Variants in CNTN3 observed in about 807,000 individuals in gnomAD.
The protein encoded by CNTN3 is contactin 3.
CNTN3 carries 60 observed loss-of-function variants against 119.1 expected under a neutral mutation model. The ratio of observed to expected loss-of-function variants is 0.50; its 90% confidence interval spans 0.41 to 0.62. The LOEUF is 0.62. CNTN3 is among the 20% of genes least tolerant of loss of function. CNTN3 has a pLI of 0.00. For synonymous variants in CNTN3, 450 were observed against 438.7 expected (o/e 1.03, Z -0.32); for missense variants, 1,101 against 1,242.4 (o/e 0.89, Z 1.71).
At chr3:74,602,490 C>T (rs1030760685) in intron 1 of CNTN3, among the ~76,000 whole-genome samples, 6 of 151,614 alleles carry the variant, frequency 4.0e-5, no homozygotes, top group Admixed American at 2.6e-4. Context: ...TATTTTTGTT[C>T]GCAAATATTC....
Position 74,342,171 on chromosome 3 carries a change from A to T in CNTN3, c.1365-5513T>A, listed in dbSNP as rs1047020624. On this transcript the variant is annotated intron_variant, in intron 11 of 22. Coordinates refer to ENST00000263665, the MANE Select transcript of CNTN3 (RefSeq NM_020872.3). Reference sequence around the variant, plus strand: ...ATACATTGATGAAAATGTATGAGAAAATAAACATGAGAGAAAAAGACCATA... The same window carrying T: ...ATACATTGATGAAAATGTATGAGAATATAAACATGAGAGAAAAAGACCATA... Among the ~76,000 whole-genome samples, 5 of 152,150 alleles carry T rather than the reference A, an allele frequency of 3.3e-5. No individual in the cohort carries two copies. The South Asian group carries it at 6.2e-4, about 19-fold the overall frequency.
At chr3:74,449,915 T>C (rs555435767) in intron 4 of CNTN3, among the ~76,000 whole-genome samples, 2 of 152,296 alleles carry the variant, frequency 1.3e-5, no homozygotes, top group African/African-American at 4.8e-5. Flanking sequence ...CATAAGGCAA[T>C]TTAATGATAT....
intron 1 of CNTN3, among the ~76,000 whole-genome samples, chr3:74,534,169 C>T (rs932759458): frequency 6.6e-6 from 1 of 152,070 alleles, no homozygotes; most frequent in Non-Finnish European, 1.5e-5. Flanking sequence ...AAAACAGGAT[C>T]TAAGAGCTTG....
At chr3:74,557,722 C>T (rs1472620611) in intron 1 of CNTN3, among the ~76,000 whole-genome samples, 1 of 59,170 alleles carries the variant, frequency 1.7e-5, no homozygotes, top group South Asian at 9.3e-4. Flanking sequence ...AGAACAGCAA[C>T]AGATGAAAAA....
At chr3:74,592,723 A>C (rs1284022754) in intron 1 of CNTN3, among the ~76,000 whole-genome samples, 1 of 152,016 alleles carries the variant, frequency 6.6e-6, no homozygotes, top group African/African-American at 2.4e-5. Flanking sequence ...CTAACAAAGA[A>C]GTTAATCTTT....
intron 1 of CNTN3, among the ~76,000 whole-genome samples, chr3:74,551,996 T>C (rs1345109689): frequency 2.6e-5 from 4 of 151,930 alleles, no homozygotes; most frequent in Non-Finnish European, 4.4e-5. Context: ...ACTCCTGACC[T>C]CAGGTGATCC....
chr3:74,477,309 C>CACAG (rs1381879353), intron 4 of CNTN3, among the ~76,000 whole-genome samples: 1 of 152,048 alleles, frequency 6.6e-6, no homozygotes, highest in African/African-American at 2.4e-5. Flanking sequence ...GTGTCTGTGC[C>CACAG]TTGAGCAATA....
At position 74,310,819 on chromosome 3, in the gene CNTN3, T is replaced by C. The variant is rs143234308; in HGVS notation, c.1669-8012A>G. Among the ~76,000 whole-genome samples, 264 of 152,304 alleles carry C rather than the reference T, an allele frequency of 1.7e-3. 2 individuals are homozygous for C. Among genetic ancestry groups the C allele is most frequent in the Middle Eastern group, 6.8e-3 (2 of 294 alleles). On this transcript the variant is annotated intron_variant, in intron 13 of 22. Transcript: ENST00000263665. Reference sequence around the variant, plus strand: ...GAGCATGTTGGATAAGATATGTTGCTACAGCCATCTTTGGAAAACACAATC... The same window carrying C: ...GAGCATGTTGGATAAGATATGTTGCCACAGCCATCTTTGGAAAACACAATC...
intron 13 of CNTN3, among the ~76,000 whole-genome samples, chr3:74,323,456 C>A (rs1703046269): frequency 2.0e-5 from 3 of 151,936 alleles, no homozygotes; most frequent in Admixed American, 2.0e-4. Context: ...TTGGGGATTT[C>A]GAAAGTTCTG....
chr3:74,410,269 GA>G (rs1701416613), intron 5 of CNTN3, among the ~76,000 whole-genome samples: 1 of 152,034 alleles, frequency 6.6e-6, no homozygotes, highest in South Asian at 2.1e-4. Context: ...CTGAGACTCA[GA>G]ACCACAGCTA....
At chr3:74,381,201 A>C (rs1219464891) in intron 5 of CNTN3, among the ~76,000 whole-genome samples, 5 of 152,046 alleles carry the variant, frequency 3.3e-5, no homozygotes, top group Non-Finnish European at 7.4e-5. Context: ...CCCTTATCTT[A>C]AAAGGAATCT....
At chr3:74,510,959 T>G (rs1358660113) in intron 2 of CNTN3, among the ~76,000 whole-genome samples, 2 of 152,014 alleles carry the variant, frequency 1.3e-5, no homozygotes, top group East Asian at 3.9e-4. Flanking sequence ...TTTTTCAAGT[T>G]TTTGCAAATC....
intron 4 of CNTN3, among the ~76,000 whole-genome samples, chr3:74,471,876 C>A (rs956541473): frequency 1.3e-5 from 2 of 152,170 alleles, no homozygotes; most frequent in Non-Finnish European, 2.9e-5. Flanking sequence ...ATTCTATTCC[C>A]AACTAGACCA....
chr3:74,356,858 T>C (rs1436012303), intron 11 of CNTN3, among the ~76,000 whole-genome samples: 1 of 152,178 alleles, frequency 6.6e-6, no homozygotes, highest in East Asian at 1.9e-4. Flanking sequence ...TCACGGCTGA[T>C]TCATAATTGC....
chr3:74,511,504 GATAA>G, intron 2 of CNTN3, among the ~76,000 whole-genome samples: 1 of 151,934 alleles, frequency 6.6e-6, no homozygotes, highest in East Asian at 1.9e-4. Context: ...CAAGAAGTAA[GATAA>G]ATAAATAAAT....
intron 4 of CNTN3, among the ~76,000 whole-genome samples, chr3:74,456,849 T>C (rs1272316589): frequency 6.6e-6 from 1 of 152,074 alleles, no homozygotes; most frequent in Non-Finnish European, 1.5e-5. Context: ...AATGTTCTTT[T>C]TATGTTGAAA....
At position 74,397,031 on chromosome 3, in the gene CNTN3, A is replaced by C. The variant is rs1440619635; in HGVS notation, c.455-25632T>G. ...TGTGATCTAGGACTTTTATAGCCAG[A>C]GATGAGAAATCAAGCCAGGCTTCAA... On this transcript the variant is annotated intron_variant, in intron 5 of 22. Coordinates refer to ENST00000263665, the MANE Select transcript of CNTN3 (RefSeq NM_020872.3). Among the ~76,000 whole-genome samples the C allele has an allele frequency of 2.6e-5, 4 of 152,198 alleles. No homozygotes were observed. The South Asian group carries it at 6.2e-4, about 24-fold the overall frequency.
At chr3:74,587,180 G>A (rs1704607797) in intron 1 of CNTN3, among the ~76,000 whole-genome samples, 1 of 152,030 alleles carries the variant, frequency 6.6e-6, no homozygotes, top group Non-Finnish European at 1.5e-5. Flanking sequence ...GGAGGTGGGG[G>A]CAGAAGGAGG....
intron 5 of CNTN3, among the ~76,000 whole-genome samples, chr3:74,381,028 G>A (rs1575673791): frequency 6.6e-6 from 1 of 151,332 alleles, no homozygotes; most frequent in Admixed American, 6.6e-5. Context: ...GACAATGAAC[G>A]ACTCCTTAGA....
Sources: gnomAD v4.1 joint callset for allele counts (sites outside exome capture counted in the v4.1 genomes callset) on GRCh38, gnomAD v4.1.1 for gene constraint, MANE v1.5 for transcripts, NCBI Gene and HGNC (gene_info 2026-07-23, HGNC 2026-07-21) for gene names.